Variants in APBB1IP observed in about 807,000 individuals in gnomAD.
APBB1IP encodes amyloid beta A4 precursor protein-binding family B member 1-interacting protein.
A neutral mutation model predicts 64.9 loss-of-function variants in APBB1IP; 27 were observed. That is an observed-to-expected ratio of 0.42 (90% confidence interval 0.31 to 0.57). APBB1IP has a LOEUF of 0.57. Among genes scored for constraint, APBB1IP ranks in the 20% least tolerant of loss-of-function variants. The probability of loss-of-function intolerance (pLI) is 0.20; values close to 1 mark genes in which losing one functional copy is unlikely to be tolerated. For missense variants in APBB1IP, 812 were observed against 845.5 expected, an observed-to-expected ratio of 0.96 and a Z score of 0.49; for synonymous variants, 392 against 331.0, an observed-to-expected ratio of 1.18 and a Z score of -2.00.
rs1440553910 is a variant in APBB1IP, at chr10:26,567,328, C to G, written c.1841C>G (p.Pro614Arg). 2 of 1,318,782 alleles carry G rather than the reference C, an allele frequency of 1.5e-6. No individual in the cohort carries two copies. The highest frequency in any genetic ancestry group is 2.0e-6 in the Non-Finnish European group (2 of 1,018,332). 81.7% of individuals were successfully genotyped at this position (1,318,782 alleles called of 1,614,324 possible). The change falls in exon 15 of 15, where the codon CCC becomes CGC. Residue 614 changes from proline (P) to arginine (R), a missense_variant. Pro to Arg is a moderately radical substitution (Grantham distance 103). Coordinates refer to ENST00000376236, the MANE Select transcript of APBB1IP (RefSeq NM_019043.4). ...CCCGCGCCCGCGCCCGCCCCCGTCC[C>G]CGACTCCGCCAGGCCGCCCCCCGCG... ...PPPAPAPAPVPDSARPPPAVA... is the reference protein window; with the variant it reads ...PPPAPAPAPVRDSARPPPAVA...
intron 2 of APBB1IP, among the ~76,000 whole-genome samples, chr10:26,458,139 G>A (rs113330184): frequency 3.3e-5 from 5 of 152,166 alleles, no homozygotes; most frequent in East Asian, 1.9e-4. Context: ...TGTAATCTCC[G>A]CACTTTGGGA....
chr10:26,530,795 T>A (rs1286141197), intron 8 of APBB1IP, among the ~76,000 whole-genome samples: 3 of 152,198 alleles, frequency 2.0e-5, no homozygotes, highest in Non-Finnish European at 4.4e-5. Context: ...ATAGCAATGG[T>A]ACCTATGTTA....
At chr10:26,530,232 T>C (rs75474852) in intron 8 of APBB1IP, among the ~76,000 whole-genome samples, 8 of 124,392 alleles carry the variant, frequency 6.4e-5, no homozygotes, top group Non-Finnish European at 1.2e-4. Context: ...CTTTTTCTTT[T>C]TTTTTTTTTT....
intron 11 of APBB1IP, among the ~76,000 whole-genome samples, chr10:26,542,170 T>G (rs2132469839): frequency 6.6e-6 from 1 of 152,290 alleles, no homozygotes; most frequent in African/African-American, 2.4e-5. Flanking sequence ...GGTTTACATT[T>G]TTTTGAGACC....
chr10:26,506,568 GAA>G (rs2132441925), intron 6 of APBB1IP, among the ~76,000 whole-genome samples: 1 of 152,312 alleles, frequency 6.6e-6, no homozygotes, highest in South Asian at 2.1e-4. Flanking sequence ...TAAATTAAGG[GAA>G]AGAAGAAACA....
intron 2 of APBB1IP, among the ~76,000 whole-genome samples, chr10:26,453,591 A>G (rs1206221383): frequency 1.3e-5 from 2 of 152,034 alleles, no homozygotes; most frequent in African/African-American, 2.4e-5. Context: ...CTGGACCTAG[A>G]ATTCTCAGAT....
chr10:26,513,793 C>T (rs538708283), intron 8 of APBB1IP, 133 bp downstream of exon 8: 32 of 1,124,008 alleles, frequency 2.8e-5, no homozygotes, highest in East Asian at 8.2e-5. Context: ...AGTGCAGTGG[C>T]GTGATCTTGG....
At chr10:26,457,041 A>C (rs1157162388) in intron 2 of APBB1IP, among the ~76,000 whole-genome samples, 2 of 152,154 alleles carry the variant, frequency 1.3e-5, no homozygotes, top group East Asian at 1.9e-4. Flanking sequence ...GTCAAGATAA[A>C]TGTAGGCTGG....
intron 10 of APBB1IP, among the ~76,000 whole-genome samples, chr10:26,539,038 C>T (rs1297145341): frequency 1.3e-5 from 2 of 152,134 alleles, no homozygotes; most frequent in Admixed American, 6.5e-5. Flanking sequence ...ATATAATTTC[C>T]TACCTCATTC....
chr10:26,476,446 C>CAAAAAAAAAAAAAAAAAAAA (rs58548133), intron 2 of APBB1IP, among the ~76,000 whole-genome samples: 4 of 78,104 alleles, frequency 5.1e-5, no homozygotes, highest in Non-Finnish European at 6.9e-5. Flanking sequence ...GACCCTGTCT[C>CAAAAAAAAAAAAAAAAAAAA]AAAAAAAAAA....
chr10:26,441,123 C>T (rs7100078), intron 2 of APBB1IP, among the ~76,000 whole-genome samples: 58,958 of 151,906 alleles, frequency 0.39, 11,617 homozygotes, highest in South Asian at 0.49. Context: ...CAACAGGTAT[C>T]TTCTCAGTAT....
At chr10:26,443,435 G>A (rs1243226342) in intron 2 of APBB1IP, among the ~76,000 whole-genome samples, 5 of 115,138 alleles carry the variant, frequency 4.3e-5, no homozygotes, top group African/African-American at 1.0e-4. Flanking sequence ...TTTCAAGAGC[G>A]AAACTCCATC....
At chr10:26,508,637 G>A (rs1471609354) in intron 6 of APBB1IP, among the ~76,000 whole-genome samples, 8 of 151,454 alleles carry the variant, frequency 5.3e-5, no homozygotes, top group Non-Finnish European at 8.8e-5. Flanking sequence ...GTGATTTAAT[G>A]TTATGTGTTG....
intron 2 of APBB1IP, among the ~76,000 whole-genome samples, chr10:26,449,004 G>T (rs1430254159): frequency 6.6e-6 from 1 of 152,106 alleles, no homozygotes; most frequent in Non-Finnish European, 1.5e-5. Flanking sequence ...CCAAAAATAC[G>T]CCTGTCTTTC....
intron 13 of APBB1IP, among the ~76,000 whole-genome samples, chr10:26,561,578 G>C (rs1184940100): frequency 6.6e-6 from 1 of 152,060 alleles, no homozygotes; most frequent in Non-Finnish European, 1.5e-5. Flanking sequence ...CATTATATCA[G>C]TCCAAGGCTC....
intron 3 of APBB1IP, among the ~76,000 whole-genome samples, chr10:26,495,226 T>G (rs1450354770): frequency 6.6e-6 from 1 of 151,820 alleles, no homozygotes; most frequent in Non-Finnish European, 1.5e-5. Flanking sequence ...CCACATGGTC[T>G]CTATCTCCTG....
In APBB1IP at chr10:26,562,437, C is replaced by T; in HGVS notation, c.1473+8C>T. 1 of 1,608,764 alleles carries T rather than the reference C, an allele frequency of 6.2e-7. No individual in the cohort carries two copies. Among genetic ancestry groups the T allele is most frequent in the Non-Finnish European group, 8.5e-7 (1 of 1,175,430 alleles). Reference sequence around the variant, plus strand: ...CATGCTGAAACATCGAAGGTAAAACCAGCAAGCAGCTGACCCCTATAAGCC... The same window carrying T: ...CATGCTGAAACATCGAAGGTAAAACTAGCAAGCAGCTGACCCCTATAAGCC... On this transcript the variant is annotated splice_region_variant and intron_variant, in intron 14 of 14. Coordinates refer to ENST00000376236, the MANE Select transcript of APBB1IP (RefSeq NM_019043.4).
chr10:26,484,495 G>A (rs1835869890), intron 2 of APBB1IP, among the ~76,000 whole-genome samples: 1 of 152,104 alleles, frequency 6.6e-6, no homozygotes, highest in African/African-American at 2.4e-5. Context: ...AGTAGAGACA[G>A]GGTTTCACCA....
At chr10:26,445,397 G>A (rs10828997) in intron 2 of APBB1IP, among the ~76,000 whole-genome samples, 58,909 of 151,828 alleles carry the variant, frequency 0.39, 11,610 homozygotes, top group South Asian at 0.49. Flanking sequence ...ATACTTAAAA[G>A]CCCCATCCAT....
Sources: allele counts gnomAD v4.1 joint callset (sites outside exome capture counted in the v4.1 genomes callset), GRCh38; gene constraint gnomAD v4.1.1; transcripts MANE v1.5; gene names NCBI Gene and HGNC (gene_info 2026-07-23, HGNC 2026-07-21).